TCF12: variants seen among roughly 807,000 people sequenced by gnomAD.
The protein encoded by TCF12 is transcription factor 12, also known as DNA-binding protein HTF4.
TCF12 carries 45 observed loss-of-function variants against 86.0 expected under a neutral mutation model. The observed-to-expected ratio is 0.52, with a 90% CI of 0.41 to 0.67. The LOEUF (loss-of-function observed/expected upper bound fraction) is 0.67. Among genes scored for constraint, TCF12 ranks in the 30% least tolerant of loss-of-function variants. TCF12 has a pLI of 0.00. For missense variants in TCF12, 881 were observed against 859.9 expected (o/e 1.02, Z -0.31); for synonymous variants, 330 against 299.6 (o/e 1.10, Z -1.05).
intron 12 of TCF12, among the ~76,000 whole-genome samples, chr15:57,242,478 C>T (rs2059675962): frequency 6.6e-6 from 1 of 152,100 alleles, no homozygotes; most frequent in African/African-American, 2.4e-5. Flanking sequence ...CACCTGAGGT[C>T]AACCTGACCA....
At chr15:57,275,365 C>CGTGTAT (rs1555417715) in intron 19 of TCF12, among the ~76,000 whole-genome samples, 1 of 82,422 alleles carries the variant, frequency 1.2e-5, no homozygotes, top group East Asian at 4.8e-4. Flanking sequence ...TGTGTGTGTA[C>CGTGTAT]GTATGTAGAG....
intron 18 of TCF12, among the ~76,000 whole-genome samples, chr15:57,268,805 A>G (rs1597784101): frequency 6.8e-6 from 1 of 147,484 alleles, no homozygotes; most frequent in African/African-American, 2.5e-5. Context: ...AAGAAACACC[A>G]CTATTCAGAA....
chr15:56,994,563 G>A (rs1313716215), intron 3 of TCF12, among the ~76,000 whole-genome samples: 1 of 151,968 alleles, frequency 6.6e-6, no homozygotes, highest in Non-Finnish European at 1.5e-5. Flanking sequence ...AAAAACTATT[G>A]AAAGCAGCCA....
At chr15:57,265,858 T>C (rs1249789510) in intron 18 of TCF12, among the ~76,000 whole-genome samples, 1 of 152,162 alleles carries the variant, frequency 6.6e-6, no homozygotes, top group African/African-American at 2.4e-5. Context: ...GTGACTAATG[T>C]GTTGTGCTGC....
chr15:57,192,381 T>C, intron 7 of TCF12, 88 bp downstream of exon 7: 1 of 1,512,600 alleles, frequency 6.6e-7, no homozygotes, highest in Non-Finnish European at 8.9e-7. Context: ...ATGCTTTTTT[T>C]TTTTTTTCTT....
intron 3 of TCF12, among the ~76,000 whole-genome samples, chr15:56,993,450 G>A (rs1478093160): frequency 2.6e-5 from 4 of 152,116 alleles, no homozygotes; most frequent in Non-Finnish European, 5.9e-5. Context: ...AGTATCAGAA[G>A]TGTGACCCAA....
At chr15:57,177,608 CAGAGAGAG>C (rs11270421) in intron 6 of TCF12, among the ~76,000 whole-genome samples, 1,706 of 123,002 alleles carry the variant, frequency 0.014, 75 homozygotes, top group African/African-American at 0.05. Context: ...GTTAAAAGGC[CAGAGAGAG>C]AGAGAGAGAG....
At chr15:57,252,233 T>C (rs1311661018) in intron 14 of TCF12, 188 bp from the exon 15 acceptor site, 2 of 529,030 alleles carry the variant, frequency 3.8e-6, no homozygotes, top group African/African-American at 3.8e-5. Flanking sequence ...GTGTGCTGTT[T>C]AGATGCTAAC....
Position 56,995,923 on chromosome 15 carries a change from A to T in TCF12, c.149-67827A>T, listed in dbSNP as rs934956538. Among the ~76,000 whole-genome samples the T allele has an allele frequency of 2.6e-5, 4 of 152,088 alleles. No homozygotes were observed. In the South Asian group the frequency reaches 6.2e-4, roughly 24 times the overall value. ...TCAGTATGATATTAGCTGTGGGTTT[A>T]TCATGGATTACTCTTATTATTTTGA... On this transcript the variant is annotated intron_variant, in intron 3 of 20. Transcript: ENST00000333725.
chr15:56,942,833 GTAT>G (rs1312735006), intron 3 of TCF12, among the ~76,000 whole-genome samples: 1 of 152,062 alleles, frequency 6.6e-6, no homozygotes, highest in Non-Finnish European at 1.5e-5. Flanking sequence ...AGATATGAAC[GTAT>G]TATTTGCAGA....
chr15:57,156,573 A>G (rs766715076), intron 5 of TCF12, among the ~76,000 whole-genome samples: 17 of 152,316 alleles, frequency 1.1e-4, no homozygotes, highest in Non-Finnish European at 2.4e-4. Context: ...ATCATTTATT[A>G]TACACTATTT....
chr15:57,150,015 A>G (rs1330674881), intron 5 of TCF12, among the ~76,000 whole-genome samples: 1 of 152,200 alleles, frequency 6.6e-6, no homozygotes, highest in African/African-American at 2.4e-5. Context: ...CCATGAGAGC[A>G]GGAAAACAAG....
intron 5 of TCF12, among the ~76,000 whole-genome samples, chr15:57,120,632 TTA>T (rs2051164666): frequency 1.3e-5 from 2 of 152,316 alleles, no homozygotes; most frequent in Admixed American, 1.3e-4. Context: ...ATATGGACAA[TTA>T]TATTTCTATA....
intron 12 of TCF12, among the ~76,000 whole-genome samples, chr15:57,236,836 TA>T (rs1241762803): frequency 9.9e-5 from 12 of 120,934 alleles, no homozygotes; most frequent in African/African-American, 2.5e-4. Flanking sequence ...TTAGTTTAGA[TA>T]AAAAAAAAGA....
intron 7 of TCF12, among the ~76,000 whole-genome samples, chr15:57,196,831 A>G (rs2057289267): frequency 1.3e-5 from 2 of 152,214 alleles, no homozygotes; most frequent in Non-Finnish European, 2.9e-5. Context: ...TAGCCACATA[A>G]TGTTAAAAGT....
intron 8 of TCF12, chr15:57,219,540 G>T (rs749480095): frequency 6.2e-7 from 1 of 1,613,328 alleles, no homozygotes; most frequent in African/African-American, 1.3e-5. Context: ...TGCTTATCCT[G>T]TCCCTGGAAT....
At chr15:57,105,065 C>T (rs542810078) in intron 5 of TCF12, among the ~76,000 whole-genome samples, 1 of 149,932 alleles carries the variant, frequency 6.7e-6, no homozygotes, top group East Asian at 2.0e-4. Flanking sequence ...GTAGAGATGG[C>T]GTTTCACCAT....
chr15:57,083,774 A>C (rs2048459817), intron 4 of TCF12, among the ~76,000 whole-genome samples: 1 of 152,088 alleles, frequency 6.6e-6, no homozygotes, highest in Non-Finnish European at 1.5e-5. Flanking sequence ...TTGTAGCACC[A>C]GAGTCTCGCT....
chr15:57,196,164 A>T (rs973315133), intron 7 of TCF12, among the ~76,000 whole-genome samples: 1 of 118,744 alleles, frequency 8.4e-6, no homozygotes, highest in Non-Finnish European at 2.1e-5. Context: ...AACCACAGAT[A>T]GAAAAAAAAA....
Sources: allele counts gnomAD v4.1 joint callset (sites outside exome capture counted in the v4.1 genomes callset), GRCh38; gene constraint gnomAD v4.1.1; transcripts MANE v1.5; gene names NCBI Gene and HGNC (gene_info 2026-07-23, HGNC 2026-07-21).